Variants in BMP8A observed in about 807,000 individuals in gnomAD.
The protein encoded by BMP8A is BMP-8A.
Under a neutral mutation model 36.8 loss-of-function variants are expected in BMP8A, and 14 were observed. That is an observed-to-expected ratio of 0.38 (90% confidence interval 0.25 to 0.60). The LOEUF (loss-of-function observed/expected upper bound fraction) is 0.60. Among genes scored for constraint, BMP8A ranks in the 20% least tolerant of loss-of-function variants. The pLI, the probability that BMP8A is intolerant of heterozygous loss-of-function variation, is 0.63. For synonymous variants in BMP8A, 120 were observed against 237.7 expected (o/e 0.50, Z 4.55); for missense variants, 267 against 551.1 (o/e 0.48, Z 5.16).
At chr1:39,519,757 C>G (rs577723659) in intron 3 of BMP8A, among the ~76,000 whole-genome samples, 38 of 151,564 alleles carry the variant, frequency 2.5e-4, no homozygotes, top group African/African-American at 8.4e-4. Flanking sequence ...ATAAATACAT[C>G]TGTGTGTGTG....
intron 3 of BMP8A, among the ~76,000 whole-genome samples, chr1:39,514,680 G>A (rs1570305173): frequency 6.6e-6 from 1 of 152,112 alleles, no homozygotes; most frequent in Non-Finnish European, 1.5e-5. Context: ...AGGGGACCTA[G>A]CCTGTGCCCT....
chr1:39,523,617 C>CT, intron 6 of BMP8A: 1 of 1,441,206 alleles, frequency 6.9e-7, no homozygotes, highest in Non-Finnish European at 9.1e-7. Context: ...AACCTTTTGG[C>CT]TTTTTCCCGC....
At chr1:39,501,948 C>T (rs1474699814) in intron 1 of BMP8A, among the ~76,000 whole-genome samples, 2 of 152,174 alleles carry the variant, frequency 1.3e-5, no homozygotes, top group Non-Finnish European at 2.9e-5. Flanking sequence ...TCTAAAGAAA[C>T]CCCACACTGG....
At chr1:39,523,143 G>A in intron 6 of BMP8A, 26 bp downstream of exon 6, 1 of 1,609,318 alleles carries the variant, frequency 6.2e-7, no homozygotes, top group Non-Finnish European at 8.5e-7. Context: ...ATCCTGCCCA[G>A]CCCCCTGGGG....
intron 6 of BMP8A, chr1:39,523,897 C>G (rs1252701415): frequency 3.8e-6 from 1 of 264,326 alleles, no homozygotes; most frequent in East Asian, 8.5e-5. Flanking sequence ...GTGGCTCACC[C>G]TGTAATCGCA....
At chr1:39,520,676 A>G (rs1424077995) in intron 3 of BMP8A, among the ~76,000 whole-genome samples, 8 of 56,844 alleles carry the variant, frequency 1.4e-4, no homozygotes, top group African/African-American at 5.8e-4. Context: ...TTTTCTGTCC[A>G]TAAGCCCAGC....
At chr1:39,525,571 G>A in intron 6 of BMP8A, 78 bp from the exon 7 acceptor site, 4 of 1,555,036 alleles carry the variant, frequency 2.6e-6, no homozygotes, top group Non-Finnish European at 3.5e-6. Flanking sequence ...GGAGCAGGTG[G>A]AGCTGGGGCG....
intron 1 of BMP8A, among the ~76,000 whole-genome samples, chr1:39,506,555 C>T (rs1645303635): frequency 6.6e-6 from 1 of 152,080 alleles, no homozygotes; most frequent in Non-Finnish European, 1.5e-5. Context: ...AAGAAGCTGT[C>T]ATTAGGGGAA....
chr1:39,491,883 C>T lies in BMP8A; in HGVS notation c.-109C>T. The T allele has an allele frequency of 4.2e-6, 4 of 945,262 alleles. No individual in the cohort carries two copies. The highest frequency in any genetic ancestry group is 3.5e-5 in the African/African-American group (2 of 56,450). The allele number at this position is 945,262 out of a possible 1,614,324, so 58.6% of individuals were successfully genotyped here. ...GAGGCCGCAGACGCCGCCCGCCGAG[C>T]CCCGCCCCCTGCTCGCCGAACTCAG... On this transcript the variant is annotated 5_prime_UTR_variant, in exon 1 of 7. Coordinates refer to ENST00000331593, the MANE Select transcript of BMP8A (RefSeq NM_181809.4).
At chr1:39,493,528 C>T (rs1013731341) in intron 1 of BMP8A, among the ~76,000 whole-genome samples, 1 of 152,220 alleles carries the variant, frequency 6.6e-6, no homozygotes, top group Non-Finnish European at 1.5e-5. Flanking sequence ...ACACAGGGTA[C>T]TGAGCTGCAG....
In BMP8A at chr1:39,526,445, T is replaced by C. The variant is rs1427721791; in HGVS notation, c.*647T>C. ...CCTCTGCCTCCCAGGTTCAAGCAATTCTCGTGCCTCAGCCTCCTGAGTAGC... is the reference window on the plus strand; with the variant it reads ...CCTCTGCCTCCCAGGTTCAAGCAATCCTCGTGCCTCAGCCTCCTGAGTAGC... On this transcript the variant is annotated 3_prime_UTR_variant, in exon 7 of 7. Coordinates refer to ENST00000331593, the MANE Select transcript of BMP8A (RefSeq NM_181809.4). Among the ~76,000 whole-genome samples the C allele has an allele frequency of 6.6e-6, 1 of 151,654 alleles. No individual in the cohort carries two copies. Among genetic ancestry groups the C allele is most frequent in the South Asian group, 2.1e-4 (1 of 4,808 alleles).
rs1225782741 is a variant in BMP8A, at chr1:39,528,840, A to T, written c.*3042A>T. On this transcript the variant is annotated 3_prime_UTR_variant, in exon 7 of 7. Transcript: ENST00000331593. ...CACTTCAGCCCGAGTTGCTGGGATG[A>T]CAGGCACACGCCACCATACCCAGCT... Among the ~76,000 whole-genome samples the T allele has an allele frequency of 2.0e-5, 3 of 151,994 alleles. No individual in the cohort carries two copies. Among genetic ancestry groups the T allele is most frequent in the Admixed American group, 1.3e-4 (2 of 15,266 alleles).
chr1:39,499,587 C>T (rs183592776), intron 1 of BMP8A, among the ~76,000 whole-genome samples: 2 of 152,374 alleles, frequency 1.3e-5, no homozygotes, highest in African/African-American at 4.8e-5. Flanking sequence ...GAGGCCTAGC[C>T]TGGAGTGGCT....
At chr1:39,523,670 C>T (rs760174237) in intron 6 of BMP8A, 161 of 1,437,896 alleles carry the variant, frequency 1.1e-4, no homozygotes, top group Non-Finnish European at 1.5e-4. Flanking sequence ...GATCCCCTGG[C>T]TTTTGATGCC....
rs1286250009 is a variant in BMP8A at position 39,522,554 on chromosome 1, G to A, written c.948+72G>A. Reference sequence around the variant, plus strand: ...AGATCAGAAGTGAATCTGCAGGGAGGACATAGAATCATGGTGACTTCAATT... The same window carrying A: ...AGATCAGAAGTGAATCTGCAGGGAGAACATAGAATCATGGTGACTTCAATT... On this transcript the variant is annotated intron_variant, in intron 5 of 6. Coordinates refer to ENST00000331593, the MANE Select transcript of BMP8A (RefSeq NM_181809.4). 1.4e-4 allele frequency: 217 copies of A among 1,500,436 alleles called. 2 individuals are homozygous for A. Among genetic ancestry groups the A allele is most frequent in the South Asian group, 8.2e-4 (65 of 79,022 alleles). The allele number at this position is 1,500,436 out of a possible 1,614,324, so 92.9% of individuals were successfully genotyped here. A position where few individuals can be genotyped will look rare whatever the true frequency, so the allele number is the denominator to read the frequency against.
rs923523641 is a variant in BMP8A at position 39,526,406 on chromosome 1, C to T, written c.*608C>T. Among the ~76,000 whole-genome samples, 4 of 151,090 alleles carry T rather than the reference C, an allele frequency of 2.6e-5. No individual in the cohort carries two copies. The highest frequency in any genetic ancestry group is 5.9e-5 in the Non-Finnish European group (4 of 67,826). On this transcript the variant is annotated 3_prime_UTR_variant, in exon 7 of 7. Coordinates refer to ENST00000331593, the MANE Select transcript of BMP8A (RefSeq NM_181809.4). ...CAGGCTGGAGTGCAGTGGTGCAATCCTGGCTCACTGCAACCTCTGCCTCCC... is the reference window on the plus strand; with the variant it reads ...CAGGCTGGAGTGCAGTGGTGCAATCTTGGCTCACTGCAACCTCTGCCTCCC...
chr1:39,494,734 G>A (rs923902461), intron 1 of BMP8A, among the ~76,000 whole-genome samples: 1 of 152,134 alleles, frequency 6.6e-6, no homozygotes, highest in Non-Finnish European at 1.5e-5. Context: ...CATGCGCTCA[G>A]AGAGATTAAA....
intron 3 of BMP8A, among the ~76,000 whole-genome samples, chr1:39,513,839 C>A (rs1457260329): frequency 6.7e-6 from 1 of 149,802 alleles, no homozygotes; most frequent in Non-Finnish European, 1.5e-5. Context: ...GAGGGCCTGG[C>A]CCAGAGCCCT....
chr1:39,505,028 A>G (rs1377912455), intron 1 of BMP8A, among the ~76,000 whole-genome samples: 1 of 152,214 alleles, frequency 6.6e-6, no homozygotes, highest in Non-Finnish European at 1.5e-5. Flanking sequence ...CTCCTATCTC[A>G]GTAAATAGAA....
Sources: allele counts gnomAD v4.1 joint callset (sites outside exome capture counted in the v4.1 genomes callset), GRCh38; gene constraint gnomAD v4.1.1; transcripts MANE v1.5; gene names NCBI Gene and HGNC (gene_info 2026-07-23, HGNC 2026-07-21).